SETD3: variants seen among roughly 807,000 people sequenced by gnomAD.
The protein encoded by SETD3 is actin-histidine N-methyltransferase.
In SETD3, 19 loss-of-function variants were observed where a neutral mutation model predicts 63.0. That is an observed-to-expected ratio of 0.30 (90% confidence interval 0.21 to 0.44). The LOEUF (loss-of-function observed/expected upper bound fraction) is 0.44. Ranked by LOEUF, SETD3 falls within the 20% of genes least tolerant of loss-of-function variation. The probability of loss-of-function intolerance (pLI) is 1.00; values close to 1 mark genes in which losing one functional copy is unlikely to be tolerated. For missense variants in SETD3, 587 were observed against 728.5 expected, an observed-to-expected ratio of 0.81 and a Z score of 2.24; for synonymous variants, 286 against 264.1, an observed-to-expected ratio of 1.08 and a Z score of -0.80.
At chr14:99,426,939 CCCCCACACTGCATG>C (rs1255875444) in intron 6 of SETD3, among the ~76,000 whole-genome samples, 12 of 152,258 alleles carry the variant, frequency 7.9e-5, no homozygotes, top group Admixed American at 3.9e-4. Flanking sequence ...CCTTCTGCCT[CCCCCACACTGCATG>C]CCCCACATGC....
chr14:99,437,355 C>A (rs1271907180), intron 6 of SETD3, among the ~76,000 whole-genome samples: 1 of 152,192 alleles, frequency 6.6e-6, no homozygotes, highest in Non-Finnish European at 1.5e-5. Context: ...ACGTCCTCTT[C>A]AGGGGTCAGT....
intron 6 of SETD3, among the ~76,000 whole-genome samples, chr14:99,443,355 G>A (rs1023061189): frequency 4.7e-5 from 7 of 148,790 alleles, no homozygotes; most frequent in Middle Eastern, 3.2e-3. Context: ...GGGTTCAAGC[G>A]ATTCTCCTGC....
At chr14:99,465,675 G>A (rs1895328277) in intron 2 of SETD3, 28 bp downstream of exon 2, 2 of 1,569,512 alleles carry the variant, frequency 1.3e-6, no homozygotes, top group South Asian at 1.1e-5. Context: ...ACCACATCAA[G>A]GCAGGGAGAG....
intron 6 of SETD3, among the ~76,000 whole-genome samples, chr14:99,446,063 A>G (rs1894113781): frequency 6.6e-6 from 1 of 152,214 alleles, no homozygotes; most frequent in Non-Finnish European, 1.5e-5. Context: ...AACTGTGTCT[A>G]GGGTCAGACA....
At chr14:99,446,349 C>G (rs766004002) in intron 6 of SETD3, among the ~76,000 whole-genome samples, 16 of 152,284 alleles carry the variant, frequency 1.1e-4, no homozygotes, top group Non-Finnish European at 1.6e-4. Flanking sequence ...GGTATTGGAG[C>G]TTTCTTCTAA....
intron 6 of SETD3, among the ~76,000 whole-genome samples, chr14:99,455,970 C>T (rs764524599): frequency 1.3e-5 from 2 of 152,210 alleles, no homozygotes; most frequent in Non-Finnish European, 2.9e-5. Flanking sequence ...GCCTCGCCAA[C>T]GTGGCGAAAC....
In SETD3 at chr14:99,441,360, T is replaced by C. The variant is rs1191170808; in HGVS notation, c.675+16919A>G. Reference sequence around the variant, plus strand: ...TACACGTAGAGAACAAGGCAATCAGTTCCCCATTCAACCAGCGCTGCTTGA... The same window carrying C: ...TACACGTAGAGAACAAGGCAATCAGCTCCCCATTCAACCAGCGCTGCTTGA... On this transcript the variant is annotated intron_variant, in intron 6 of 12. Transcript: ENST00000331768. 2.6e-5 allele frequency among the ~76,000 whole-genome samples: 4 copies of C among 152,206 alleles called. No homozygotes were observed. In the East Asian group the frequency reaches 7.7e-4, roughly 29 times the overall value.
intron 6 of SETD3, among the ~76,000 whole-genome samples, chr14:99,450,234 T>G (rs941456044): frequency 7.2e-5 from 11 of 152,090 alleles, no homozygotes; most frequent in Non-Finnish European, 1.0e-4. Flanking sequence ...TGCCCAGAGG[T>G]TTTCACTCTA....
At chr14:99,427,641 T>C (rs1323919798) in intron 6 of SETD3, among the ~76,000 whole-genome samples, 1 of 152,188 alleles carries the variant, frequency 6.6e-6, no homozygotes, top group Non-Finnish European at 1.5e-5. Flanking sequence ...TTTAATCTCA[T>C]CTTAAAGCTT....
intron 6 of SETD3, among the ~76,000 whole-genome samples, chr14:99,432,810 T>TG (rs1893256266): frequency 6.6e-6 from 1 of 152,160 alleles, no homozygotes; most frequent in Non-Finnish European, 1.5e-5. Flanking sequence ...TCCTCTGTCT[T>TG]GCAGGGTGTT....
Position 99,459,196 on chromosome 14 carries a change from AAATAAT to A in SETD3, c.346-17_346-12del. The stretch of plus-strand genomic sequence containing the variant: ...AAACAATTCTTCTGCCTAGGGAAAA[AAATAAT>A]AATAGGAGAATCATCAAAACACGGT... On this transcript the variant is annotated splice_polypyrimidine_tract_variant and intron_variant, in intron 4 of 12. Transcript: ENST00000331768. The A allele has an allele frequency of 6.3e-7, 1 of 1,591,444 alleles. No individual in the cohort carries two copies. The highest frequency in any genetic ancestry group is 8.6e-7 in the Non-Finnish European group (1 of 1,162,234).
At chr14:99,482,405 G>T (rs767880184), upstream of SETD3, among the ~76,000 whole-genome samples, 1 of 152,208 alleles carries the variant, frequency 6.6e-6, no homozygotes, top group Admixed American at 6.5e-5. Flanking sequence ...ACTGCCTGAC[G>T]TTTAATAAGC....
intron 6 of SETD3, among the ~76,000 whole-genome samples, chr14:99,429,387 A>G (rs1363221910): frequency 6.6e-6 from 1 of 152,230 alleles, no homozygotes; most frequent in African/African-American, 2.4e-5. Flanking sequence ...CAAGAAAAGA[A>G]AAGTGAAGAA....
chr14:99,401,855 C>T (rs544654896), intron 11 of SETD3, among the ~76,000 whole-genome samples: 4 of 152,252 alleles, frequency 2.6e-5, no homozygotes, highest in African/African-American at 9.6e-5. Flanking sequence ...TGCAGGTGTG[C>T]GGCAGAGCTT....
chr14:99,399,411 C>G (rs1595134847), intron 12 of SETD3, among the ~76,000 whole-genome samples: 1 of 151,334 alleles, frequency 6.6e-6, no homozygotes, highest in South Asian at 2.1e-4. Context: ...GGGAACTTCA[C>G]TGATTTAAAA....
At chr14:99,477,393 A>G (rs929074624) in intron 1 of SETD3, among the ~76,000 whole-genome samples, 2 of 152,336 alleles carry the variant, frequency 1.3e-5, no homozygotes, top group Non-Finnish European at 2.9e-5. Flanking sequence ...CTTGAGTTAA[A>G]AAGCAAGACT....
intron 6 of SETD3, among the ~76,000 whole-genome samples, chr14:99,455,892 C>A (rs997895412): frequency 6.6e-6 from 1 of 152,252 alleles, no homozygotes; most frequent in Non-Finnish European, 1.5e-5. Flanking sequence ...AGGCGGTTCA[C>A]GCCTGTAATC....
In SETD3 at chr14:99,413,944, AG is replaced by A; in HGVS notation, c.676-11del. 6.2e-7 allele frequency: 1 copy of A among 1,612,742 alleles called. No individual in the cohort carries two copies. On this transcript the variant is annotated splice_polypyrimidine_tract_variant and intron_variant, in intron 6 of 12. Coordinates refer to ENST00000331768, the MANE Select transcript of SETD3 (RefSeq NM_032233.3). ...TGGCATGAGGATGGGTCTGGGAATT[AG>A]AAGTTTTAGAAAGCAGAGGTGAAAA...
intron 6 of SETD3, among the ~76,000 whole-genome samples, chr14:99,453,488 C>A (rs1894579548): frequency 6.6e-6 from 1 of 152,146 alleles, no homozygotes; most frequent in South Asian, 2.1e-4. Flanking sequence ...AGGGTGCCTA[C>A]AGCTCCTATT....
Sources: allele counts gnomAD v4.1 joint callset (sites outside exome capture counted in the v4.1 genomes callset), GRCh38; gene constraint gnomAD v4.1.1; transcripts MANE v1.5; gene names NCBI Gene and HGNC (gene_info 2026-07-23, HGNC 2026-07-21).